MTUS2: variants seen among roughly 807,000 people sequenced by gnomAD.
MTUS2 encodes the protein microtubule-associated tumor suppressor candidate 2.
A neutral mutation model predicts 114.1 loss-of-function variants in MTUS2; 40 were observed. The ratio of observed to expected loss-of-function variants is 0.35; its 90% CI spans 0.27 to 0.46. The LOEUF (loss-of-function observed/expected upper bound fraction) is 0.46. Among genes scored for constraint, MTUS2 ranks in the 20% least tolerant of loss-of-function variants. The probability of loss-of-function intolerance (pLI) is 1.00; values close to 1 mark genes in which losing one functional copy is unlikely to be tolerated. For synonymous variants in MTUS2, 688 were observed against 672.0 expected (o/e 1.02, Z -0.37); for missense variants, 1,679 against 1,705.4 (o/e 0.98, Z 0.27).
intron 5 of MTUS2, among the ~76,000 whole-genome samples, chr13:29,266,055 G>A (rs1366273646): frequency 6.6e-6 from 1 of 152,052 alleles, no homozygotes; most frequent in African/African-American, 2.4e-5. Context: ...GGAAAGATAC[G>A]AAGCCATAGG....
intron 4 of MTUS2, among the ~76,000 whole-genome samples, chr13:29,083,124 G>A (rs1367295909): frequency 6.6e-6 from 1 of 152,164 alleles, no homozygotes; most frequent in East Asian, 1.9e-4. Flanking sequence ...TATTTCTTAA[G>A]AGTCAGGGGA....
At chr13:29,431,151 G>A (rs138922155) in intron 8 of MTUS2, among the ~76,000 whole-genome samples, 20 of 152,266 alleles carry the variant, frequency 1.3e-4, no homozygotes, top group African/African-American at 2.2e-4. Flanking sequence ...AGATCTGACC[G>A]AAAACTGAAT....
intron 2 of MTUS2, among the ~76,000 whole-genome samples, chr13:28,891,009 C>G (rs1878888165): frequency 6.6e-6 from 1 of 152,182 alleles, no homozygotes; most frequent in African/African-American, 2.4e-5. Context: ...GTCATGTTTC[C>G]CAGAGTCTCC....
chr13:28,950,340 G>A (rs993120856), intron 2 of MTUS2, among the ~76,000 whole-genome samples: 1 of 152,096 alleles, frequency 6.6e-6, no homozygotes, highest in Non-Finnish European at 1.5e-5. Flanking sequence ...AAGGGCATTC[G>A]GGTATTAATC....
intron 5 of MTUS2, among the ~76,000 whole-genome samples, chr13:29,180,545 A>C (rs1893954886): frequency 6.6e-6 from 1 of 152,258 alleles, no homozygotes; most frequent in African/African-American, 2.4e-5. Flanking sequence ...ATTTATGGGC[A>C]TAGGTGGACA....
intron 5 of MTUS2, among the ~76,000 whole-genome samples, chr13:29,250,792 GT>G: frequency 6.6e-6 from 1 of 152,218 alleles, no homozygotes; most frequent in South Asian, 2.1e-4. Flanking sequence ...AATTTTCTTA[GT>G]TAAGTACCAA....
At chr13:29,018,414 C>T (rs1886156116) in intron 2 of MTUS2, among the ~76,000 whole-genome samples, 1 of 152,118 alleles carries the variant, frequency 6.6e-6, no homozygotes, top group African/African-American at 2.4e-5. Flanking sequence ...AAATCAAAGC[C>T]TAAAATGGAT....
intron 2 of MTUS2, among the ~76,000 whole-genome samples, chr13:28,912,651 A>G (rs1223251420): frequency 2.6e-5 from 4 of 151,962 alleles, no homozygotes; most frequent in Admixed American, 2.6e-4. Context: ...ATGAGCATGG[A>G]TTGTTTTTCC....
chr13:28,915,233 T>C (rs1315571514), intron 2 of MTUS2, among the ~76,000 whole-genome samples: 1 of 151,998 alleles, frequency 6.6e-6, no homozygotes, highest in East Asian at 1.9e-4. Context: ...TCTTGGCTAT[T>C]TTGAGCAGTG....
intron 2 of MTUS2, among the ~76,000 whole-genome samples, chr13:28,855,771 T>G (rs1051761194): frequency 6.6e-6 from 1 of 152,206 alleles, no homozygotes; most frequent in African/African-American, 2.4e-5. Context: ...ATGATTTATA[T>G]TCCTTTGGGT....
At chr13:29,060,409 G>T (rs546343811) in intron 4 of MTUS2, among the ~76,000 whole-genome samples, 16 of 152,170 alleles carry the variant, frequency 1.1e-4, no homozygotes, top group African/African-American at 3.9e-4. Flanking sequence ...CAAGTTGCTG[G>T]TTTTTTGCAA....
chr13:29,401,399 C>T (rs1017687372), intron 8 of MTUS2, among the ~76,000 whole-genome samples: 2 of 152,138 alleles, frequency 1.3e-5, no homozygotes, highest in African/African-American at 4.8e-5. Context: ...TGACTGTTCC[C>T]TTTATGTCTT....
At chr13:29,323,903 T>A (rs1900365289) in intron 6 of MTUS2, among the ~76,000 whole-genome samples, 1 of 152,198 alleles carries the variant, frequency 6.6e-6, no homozygotes, top group Non-Finnish European at 1.5e-5. Context: ...CTGTGTGATT[T>A]CGCTAATCTC....
At chr13:28,862,482 G>A (rs1481105610) in intron 2 of MTUS2, among the ~76,000 whole-genome samples, 4 of 152,124 alleles carry the variant, frequency 2.6e-5, no homozygotes, top group East Asian at 1.9e-4. Context: ...GCATGGTGGC[G>A]CACACCTGTA....
chr13:28,919,254 G>A (rs1250735032), intron 2 of MTUS2, among the ~76,000 whole-genome samples: 1 of 152,028 alleles, frequency 6.6e-6, no homozygotes, highest in East Asian at 1.9e-4. Flanking sequence ...TAGGACAAGT[G>A]CAGTGTTGCT....
chr13:29,457,600 G>A (rs73444099), intron 9 of MTUS2, among the ~76,000 whole-genome samples: 9,638 of 151,816 alleles, frequency 0.063, 337 homozygotes, highest in African/African-American at 0.085. Flanking sequence ...AGGCTGTTAT[G>A]AATATCCTTA....
chr13:29,487,784 A>G, intron 10 of MTUS2, 116 bp from the exon 11 acceptor site: 1 of 821,986 alleles, frequency 1.2e-6, no homozygotes, highest in Admixed American at 1.8e-5. Flanking sequence ...CTGCTTCGGC[A>G]CAAGGCTGTG....
chr13:28,921,276 G>A (rs1287160538), intron 2 of MTUS2, among the ~76,000 whole-genome samples: 1 of 152,190 alleles, frequency 6.6e-6, no homozygotes, highest in Non-Finnish European at 1.5e-5. Flanking sequence ...GCCAGGGCTG[G>A]GTCCTTGCCT....
rs908792291 is a variant in MTUS2 at position 29,098,154 on chromosome 13, A to G, written c.2447-2619A>G. On this transcript the variant is annotated intron_variant, in intron 4 of 15. Transcript: ENST00000612955. Reference sequence around the variant, plus strand: ...AACTCTCATGCAGAGACTAGTTGAGATATTTGACTTATACTGTGGGCTAAA... The same window carrying G: ...AACTCTCATGCAGAGACTAGTTGAGGTATTTGACTTATACTGTGGGCTAAA... Among the ~76,000 whole-genome samples, 6 of 152,270 alleles carry G rather than the reference A, an allele frequency of 3.9e-5. No homozygotes were observed. The Middle Eastern group carries it at 0.01, about 259-fold the overall frequency.
Sources: allele counts gnomAD v4.1 joint callset (sites outside exome capture counted in the v4.1 genomes callset), GRCh38; gene constraint gnomAD v4.1.1; transcripts MANE v1.5; gene names NCBI Gene and HGNC (gene_info 2026-07-23, HGNC 2026-07-21).